The following DPP10 variants were observed in gnomAD, a reference collection of about 807,000 sequenced individuals.
DPP10 encodes the protein inactive dipeptidyl peptidase 10.
Under a neutral mutation model 120.9 loss-of-function variants are expected in DPP10, and 33 were observed. That is an observed-to-expected ratio of 0.27 (90% CI 0.21 to 0.37). The LOEUF (loss-of-function observed/expected upper bound fraction) is 0.37. Ranked by LOEUF, DPP10 falls within the 10% of genes least tolerant of loss-of-function variation. The pLI is 1.00. For synonymous variants in DPP10, 337 were observed against 326.1 expected, an observed-to-expected ratio of 1.03 and a Z score of -0.36; for missense variants, 816 against 942.8, an observed-to-expected ratio of 0.87 and a Z score of 1.76.
chr2:114,801,408 C>T (rs566112349), intron 1 of DPP10, among the ~76,000 whole-genome samples: 46 of 152,222 alleles, frequency 3.0e-4, no homozygotes, highest in Non-Finnish European at 5.6e-4. Context: ...CCCCAACTCC[C>T]CTTCAAGAGC....
chr2:114,455,127 G>C (rs1160750293), intron 1 of DPP10, among the ~76,000 whole-genome samples: 1 of 149,718 alleles, frequency 6.7e-6, no homozygotes, highest in Non-Finnish European at 1.5e-5. Context: ...TAAATACTTT[G>C]TTGGTTTTTT....
intron 1 of DPP10, among the ~76,000 whole-genome samples, chr2:115,294,899 C>G (rs2060817237): frequency 6.6e-6 from 1 of 152,084 alleles, no homozygotes; most frequent in Non-Finnish European, 1.5e-5. Context: ...CCAACCCCTC[C>G]TCCCGACACA....
intron 1 of DPP10, among the ~76,000 whole-genome samples, chr2:115,149,236 A>T (rs1428500804): frequency 6.6e-6 from 1 of 152,156 alleles, no homozygotes; most frequent in Non-Finnish European, 1.5e-5. Context: ...TTGATGCTCA[A>T]CGGCAGTTGG....
At chr2:115,161,736 G>C (rs974475923) in intron 1 of DPP10, 1 of 407,660 alleles carries the variant, frequency 2.5e-6, no homozygotes, top group Non-Finnish European at 4.3e-6. Context: ...CGGGGAGAGC[G>C]GGGAGTCAGA....
At chr2:114,845,748 G>A (rs867556785) in intron 1 of DPP10, among the ~76,000 whole-genome samples, 2 of 152,050 alleles carry the variant, frequency 1.3e-5, no homozygotes, top group African/African-American at 4.8e-5. Flanking sequence ...TATCGCAATC[G>A]GAATATTGTC....
intron 2 of DPP10, among the ~76,000 whole-genome samples, chr2:115,340,459 A>G (rs1354781224): frequency 6.6e-6 from 1 of 152,000 alleles, no homozygotes; most frequent in Non-Finnish European, 1.5e-5. Context: ...GAAATGTTTA[A>G]AATTTTCCAG....
intron 1 of DPP10, 47 bp from the exon 2 acceptor site, chr2:115,309,192 C>T: frequency 6.9e-7 from 1 of 1,451,138 alleles, no homozygotes. Flanking sequence ...GAATACATTT[C>T]TCTTGGAGCA....
chr2:114,734,803 T>G (rs569886221), intron 1 of DPP10, among the ~76,000 whole-genome samples: 1 of 152,180 alleles, frequency 6.6e-6, no homozygotes, highest in Non-Finnish European at 1.5e-5. Flanking sequence ...GTGGCATGGT[T>G]CAAGTATGAG....
chr2:114,636,619 G>C (rs1456306073), intron 1 of DPP10, among the ~76,000 whole-genome samples: 1 of 151,952 alleles, frequency 6.6e-6, no homozygotes, highest in Non-Finnish European at 1.5e-5. Flanking sequence ...GCTGTAGTAA[G>C]ATCCATGTTT....
At chr2:114,899,885 G>C (rs1031188204) in intron 1 of DPP10, among the ~76,000 whole-genome samples, 2 of 152,172 alleles carry the variant, frequency 1.3e-5, no homozygotes, top group African/African-American at 2.4e-5. Flanking sequence ...GCGTGAACCC[G>C]GGAGGTGGAG....
chr2:115,761,491 G>A (rs1304169675), intron 11 of DPP10, among the ~76,000 whole-genome samples: 2 of 152,072 alleles, frequency 1.3e-5, no homozygotes. Flanking sequence ...TTGAAATAAT[G>A]AGACAAACAA....
intron 1 of DPP10, among the ~76,000 whole-genome samples, chr2:114,725,906 T>A (rs1484247455): frequency 1.3e-5 from 2 of 152,170 alleles, no homozygotes; most frequent in Non-Finnish European, 2.9e-5. Context: ...ACCCAATGTG[T>A]AAGAATAATT....
chr2:114,593,053 C>A lies in DPP10; in HGVS notation c.60+150215C>A, dbSNP rs1186539049. On this transcript the variant is annotated intron_variant, in intron 1 of 25. Transcript: ENST00000410059. ...AACAAAACAAAAAAATGCTTTTTCT[C>A]TCATGTTTCTTTTAGTAATGAGACT... Among the ~76,000 whole-genome samples the A allele has an allele frequency of 2.0e-5, 3 of 152,266 alleles. No homozygotes were observed. In the East Asian group the frequency reaches 5.8e-4, roughly 29 times the overall value.
At chr2:115,329,180 C>T (rs2062552857) in intron 2 of DPP10, among the ~76,000 whole-genome samples, 1 of 151,990 alleles carries the variant, frequency 6.6e-6, no homozygotes, top group African/African-American at 2.4e-5. Context: ...TTTCATTTGT[C>T]AGCTGTCCTC....
chr2:115,260,294 A>G (rs1480690809), intron 1 of DPP10, among the ~76,000 whole-genome samples: 1 of 152,144 alleles, frequency 6.6e-6, no homozygotes, highest in African/African-American at 2.4e-5. Context: ...AGGAAGCTAG[A>G]AATGGGTTCA....
intron 1 of DPP10, among the ~76,000 whole-genome samples, chr2:114,722,766 G>A: frequency 8.6e-6 from 1 of 115,736 alleles, no homozygotes; most frequent in Non-Finnish European, 1.7e-5. Flanking sequence ...ACAGAGCTAG[G>A]CTCTGTCTCA....
chr2:115,211,579 T>C (rs1167866254), intron 1 of DPP10, among the ~76,000 whole-genome samples: 3 of 151,998 alleles, frequency 2.0e-5, no homozygotes, highest in African/African-American at 7.2e-5. Flanking sequence ...CTAATAATGT[T>C]TTTTTTTCTT....
intron 1 of DPP10, among the ~76,000 whole-genome samples, chr2:114,891,070 T>A (rs917938985): frequency 6.7e-6 from 1 of 149,386 alleles, no homozygotes; most frequent in African/African-American, 2.4e-5. Context: ...GAAAACTGAT[T>A]TTTTTTTTTT....
chr2:114,529,127 CA>C (rs1232642375), intron 1 of DPP10, among the ~76,000 whole-genome samples: 1 of 152,104 alleles, frequency 6.6e-6, no homozygotes, highest in Non-Finnish European at 1.5e-5. Context: ...CCCTACCTGC[CA>C]GGCTTTGGTA....
Sources: gnomAD v4.1 joint callset for allele counts (sites outside exome capture counted in the v4.1 genomes callset) on GRCh38, gnomAD v4.1.1 for gene constraint, MANE v1.5 for transcripts, NCBI Gene and HGNC (gene_info 2026-07-23, HGNC 2026-07-21) for gene names.